The following RNF220 variants were observed in gnomAD, a reference collection of about 807,000 sequenced individuals.
The protein encoded by RNF220 is E3 ubiquitin-protein ligase RNF220.
Under a neutral mutation model 67.1 loss-of-function variants are expected in RNF220, and 7 were observed. The observed-to-expected ratio is 0.10, with a 90% CI of 0.06 to 0.20. RNF220 has a LOEUF of 0.20. Among genes scored for constraint, RNF220 ranks in the 10% least tolerant of loss-of-function variants. The probability of loss-of-function intolerance (pLI) is 1.00; values close to 1 mark genes in which losing one functional copy is unlikely to be tolerated. For synonymous variants in RNF220, 270 were observed against 283.2 expected, an observed-to-expected ratio of 0.95 and a Z score of 0.47; for missense variants, 565 against 740.3, an observed-to-expected ratio of 0.76 and a Z score of 2.75.
intron 2 of RNF220, among the ~76,000 whole-genome samples, chr1:44,598,462 C>A (rs1393781059): frequency 6.6e-6 from 1 of 152,196 alleles, no homozygotes; most frequent in Non-Finnish European, 1.5e-5. Flanking sequence ...CTCCTCCAGT[C>A]AGAGAAGCCC....
intron 2 of RNF220, among the ~76,000 whole-genome samples, chr1:44,452,878 T>C (rs1652831428): frequency 6.6e-6 from 1 of 152,228 alleles, no homozygotes; most frequent in South Asian, 2.1e-4. Context: ...TTAGAATAAA[T>C]CTGTCAGTTC....
chr1:44,470,275 G>A (rs1454149481), intron 2 of RNF220, among the ~76,000 whole-genome samples: 2 of 152,354 alleles, frequency 1.3e-5, no homozygotes, highest in Non-Finnish European at 1.5e-5. Context: ...ATTTTGGCAT[G>A]TGCAGTGGAA....
chr1:44,521,072 T>C (rs1659900807), intron 2 of RNF220, among the ~76,000 whole-genome samples: 2 of 152,108 alleles, frequency 1.3e-5, no homozygotes, highest in South Asian at 4.1e-4. Flanking sequence ...GTTTTTTTAT[T>C]TTTTTGTAGA....
At chr1:44,440,376 A>T (rs1651425472) in intron 2 of RNF220, among the ~76,000 whole-genome samples, 1 of 152,192 alleles carries the variant, frequency 6.6e-6, no homozygotes, top group South Asian at 2.1e-4. Flanking sequence ...GCAAGGGTGG[A>T]GAGTGGCAAA....
At chr1:44,631,089 A>T (rs1408969734) in intron 5 of RNF220, among the ~76,000 whole-genome samples, 1 of 152,212 alleles carries the variant, frequency 6.6e-6, no homozygotes, top group African/African-American at 2.4e-5. Flanking sequence ...ATGGAAGAAC[A>T]ACTCAGGGCT....
intron 2 of RNF220, among the ~76,000 whole-genome samples, chr1:44,421,289 G>T (rs1649185868): frequency 6.6e-6 from 1 of 152,150 alleles, no homozygotes; most frequent in Non-Finnish European, 1.5e-5. Flanking sequence ...GATATTGTTT[G>T]AAATCAATGG....
At chr1:44,503,844 TC>T (rs1362289409) in intron 2 of RNF220, among the ~76,000 whole-genome samples, 2 of 152,006 alleles carry the variant, frequency 1.3e-5, no homozygotes, top group Non-Finnish European at 2.9e-5. Context: ...GGCCCAGCCA[TC>T]CGTGGGTTGT....
chr1:44,472,479 C>T (rs1654901114), intron 2 of RNF220, among the ~76,000 whole-genome samples: 1 of 152,096 alleles, frequency 6.6e-6, no homozygotes, highest in African/African-American at 2.4e-5. Flanking sequence ...ATTTGCATTT[C>T]CCTAGTGACT....
At chr1:44,604,848 T>C (rs745382455) in intron 2 of RNF220, among the ~76,000 whole-genome samples, 7 of 152,242 alleles carry the variant, frequency 4.6e-5, no homozygotes, top group Non-Finnish European at 7.3e-5. Flanking sequence ...CTTGAGTTTC[T>C]GCAGGCAGAA....
intron 2 of RNF220, among the ~76,000 whole-genome samples, chr1:44,483,426 T>C (rs1364010372): frequency 6.6e-6 from 1 of 152,166 alleles, no homozygotes; most frequent in Non-Finnish European, 1.5e-5. Context: ...ATCTCAACAA[T>C]GGAGTCAGGA....
chr1:44,521,157 A>G (rs376275461), intron 2 of RNF220, among the ~76,000 whole-genome samples: 2 of 152,222 alleles, frequency 1.3e-5, no homozygotes, highest in Admixed American at 6.5e-5. Flanking sequence ...TTGGCCTCCC[A>G]AAGTGCTGGG....
At chr1:44,425,285 A>G (rs1370325298) in intron 2 of RNF220, among the ~76,000 whole-genome samples, 1 of 152,118 alleles carries the variant, frequency 6.6e-6, no homozygotes, top group Non-Finnish European at 1.5e-5. Flanking sequence ...CACTCATCAC[A>G]TTAAATTGTA....
chr1:44,514,740 A>C lies in RNF220; in HGVS notation c.626-99425A>C, dbSNP rs181709336. Among the ~76,000 whole-genome samples the C allele has an allele frequency of 5.1e-4, 78 of 152,344 alleles. 1 individual carries two copies. Among genetic ancestry groups the C allele is most frequent in the African/African-American group, 1.6e-3 (65 of 41,576 alleles). On this transcript the variant is annotated intron_variant, in intron 2 of 14. Coordinates refer to ENST00000361799, the MANE Select transcript of RNF220 (RefSeq NM_018150.4). ...CATGATAACAAGACCCATAAATGAA[A>C]CAAAATTGAATGTTTTATTCACATG...
intron 2 of RNF220, among the ~76,000 whole-genome samples, chr1:44,584,152 C>G (rs555896550): frequency 3.3e-5 from 5 of 152,226 alleles, no homozygotes; most frequent in Non-Finnish European, 5.9e-5. Flanking sequence ...TCGAGCAGCC[C>G]AGGCTGCTCA....
chr1:44,588,456 G>A (rs968996390), intron 2 of RNF220, among the ~76,000 whole-genome samples: 3 of 152,204 alleles, frequency 2.0e-5, no homozygotes, highest in African/African-American at 4.8e-5. Flanking sequence ...TGGAGTAGCC[G>A]CCCTCTAAGC....
chr1:44,542,155 T>A (rs1661723348), intron 2 of RNF220, among the ~76,000 whole-genome samples: 1 of 152,198 alleles, frequency 6.6e-6, no homozygotes, highest in South Asian at 2.1e-4. Context: ...GGGGTACCAG[T>A]GCAGACCCAG....
chr1:44,617,172 C>G (rs1241737611), intron 3 of RNF220, among the ~76,000 whole-genome samples: 1 of 152,224 alleles, frequency 6.6e-6, no homozygotes, highest in African/African-American at 2.4e-5. Flanking sequence ...GACAGCCGGA[C>G]AGCGGGATCT....
intron 2 of RNF220, among the ~76,000 whole-genome samples, chr1:44,573,419 A>G (rs902028736): frequency 6.6e-6 from 1 of 152,236 alleles, no homozygotes; most frequent in South Asian, 2.1e-4. Context: ...CTATCAGTCC[A>G]TGAGGACACC....
intron 2 of RNF220, among the ~76,000 whole-genome samples, chr1:44,508,765 T>C (rs1658675898): frequency 6.6e-6 from 1 of 152,308 alleles, no homozygotes; most frequent in Non-Finnish European, 1.5e-5. Context: ...GGCTTTCACC[T>C]CTTCTTTAGA....
Sources: gnomAD v4.1 joint callset for allele counts (sites outside exome capture counted in the v4.1 genomes callset) on GRCh38, gnomAD v4.1.1 for gene constraint, MANE v1.5 for transcripts, NCBI Gene and HGNC (gene_info 2026-07-23, HGNC 2026-07-21) for gene names.